ITPK1: variants seen among roughly 807,000 people sequenced by gnomAD.
ITPK1 encodes inositol-tetrakisphosphate 1-kinase, also known as inositol 1,3,4-trisphosphate 5/6-kinase.
A neutral mutation model predicts 45.3 loss-of-function variants in ITPK1; 21 were observed. The ratio of observed to expected loss-of-function variants is 0.46; its 90% CI spans 0.33 to 0.67. ITPK1 has a LOEUF of 0.67. Ranked by LOEUF, ITPK1 falls within the 30% of genes least tolerant of loss-of-function variation. ITPK1 has a pLI of 0.02. For missense variants in ITPK1, 474 were observed against 573.5 expected (o/e 0.83, Z 1.77); for synonymous variants, 258 against 253.6 (o/e 1.02, Z -0.16).
chr14:93,114,002 G>T (rs1460297392), intron 2 of ITPK1, among the ~76,000 whole-genome samples: 4 of 152,160 alleles, frequency 2.6e-5, no homozygotes, highest in Admixed American at 2.6e-4. Context: ...GAGCACCAGG[G>T]GTTACGGAAA....
chr14:93,075,819 CGTAAGACAAGGA>C (rs1259373336), intron 3 of ITPK1, among the ~76,000 whole-genome samples: 1 of 152,056 alleles, frequency 6.6e-6, no homozygotes, highest in Non-Finnish European at 1.5e-5. Flanking sequence ...AGATGAGGCC[CGTAAGACAAGGA>C]GATGGGATGC....
intron 2 of ITPK1, among the ~76,000 whole-genome samples, chr14:93,085,370 G>A (rs1044874131): frequency 7.2e-5 from 11 of 152,172 alleles, no homozygotes; most frequent in Non-Finnish European, 1.5e-4. Flanking sequence ...CCGACCGGGT[G>A]CCCCACCCAG....
chr14:93,090,738 A>C (rs1313829876), intron 2 of ITPK1, among the ~76,000 whole-genome samples: 2 of 152,192 alleles, frequency 1.3e-5, no homozygotes, highest in Admixed American at 1.3e-4. Flanking sequence ...TTCCTGTGCC[A>C]GTTTGGTTAC....
At position 93,030,098 on chromosome 14, in the gene ITPK1, T is replaced by C. The variant is rs534740670; in HGVS notation, c.121-13297A>G. Among the ~76,000 whole-genome samples, 19 of 152,336 alleles carry C rather than the reference T, an allele frequency of 1.2e-4. No individual in the cohort carries two copies. In the East Asian group the frequency reaches 3.7e-3, roughly 29 times the overall value. On this transcript the variant is annotated intron_variant, in intron 3 of 10. Coordinates refer to ENST00000267615, the MANE Select transcript of ITPK1 (RefSeq NM_014216.6). The stretch of plus-strand genomic sequence containing the variant: ...TGGCAAGCACGAAGTTAGCGCGCAA[T>C]GCAGGCTGCACTCCCTTCCAACTGC...
chr14:92,985,911 A>T (rs1168916365), intron 5 of ITPK1, among the ~76,000 whole-genome samples: 1 of 151,940 alleles, frequency 6.6e-6, no homozygotes, highest in Non-Finnish European at 1.5e-5. Context: ...CATTTTACAG[A>T]TAGGAAAGCT....
chr14:93,115,079 C>G lies in ITPK1; in HGVS notation c.85G>C (p.Glu29Gln), dbSNP rs751704717. The change falls in exon 2 of 11, where the codon GAG becomes CAG. Residue 29 changes from glutamate to glutamine, a missense_variant. Around this residue, in one of 2 missense-constraint regions of ITPK1, gnomAD observed 367 missense variants for 480.6 expected, o/e 0.76. Transcript: ENST00000267615. ...CGCGTCCCTCCTTACCTGCACAGCT[C>G]GGCGAAGGCCTGGAAATTCAGCTTC... ...IKKLNFQAFAELCRKRGMEVV... is the reference protein window; with the variant it reads ...IKKLNFQAFAQLCRKRGMEVV... The G allele has an allele frequency of 1.3e-6, 2 of 1,598,716 alleles. No individual in the cohort carries two copies. Among genetic ancestry groups the G allele is most frequent in the Non-Finnish European group, 1.7e-6 (2 of 1,174,120 alleles).
intron 3 of ITPK1, among the ~76,000 whole-genome samples, chr14:93,064,940 G>A (rs548262344): frequency 3.3e-5 from 5 of 152,294 alleles, no homozygotes; most frequent in East Asian, 3.9e-4. Context: ...ATGAGTGTGC[G>A]GGGAATCCCT....
intron 2 of ITPK1, among the ~76,000 whole-genome samples, chr14:93,097,597 T>C (rs1314805017): frequency 6.6e-6 from 1 of 152,258 alleles, no homozygotes; most frequent in Non-Finnish European, 1.5e-5. Flanking sequence ...TAGGATGGGT[T>C]GTTATGCATC....
intron 5 of ITPK1, among the ~76,000 whole-genome samples, chr14:92,978,158 G>A (rs1393578007): frequency 6.6e-6 from 1 of 151,940 alleles, no homozygotes; most frequent in East Asian, 1.9e-4. Flanking sequence ...CAAAGAGACT[G>A]GCATATTGTG....
intron 2 of ITPK1, among the ~76,000 whole-genome samples, chr14:93,104,729 T>C (rs1340849808): frequency 2.0e-5 from 3 of 152,148 alleles, no homozygotes; most frequent in Non-Finnish European, 4.4e-5. Context: ...CATGGTAGGT[T>C]CTCAGGATCC....
At chr14:93,084,288 G>A (rs1006142015) in intron 2 of ITPK1, among the ~76,000 whole-genome samples, 6 of 152,228 alleles carry the variant, frequency 3.9e-5, no homozygotes, top group Non-Finnish European at 8.8e-5. Flanking sequence ...TCCCAACTAT[G>A]GGCAACTGTG....
At chr14:93,043,097 C>A (rs545146434) in intron 3 of ITPK1, among the ~76,000 whole-genome samples, 1 of 152,118 alleles carries the variant, frequency 6.6e-6, no homozygotes, top group East Asian at 1.9e-4. Flanking sequence ...AGCTCCCCAC[C>A]GAGGCCCACA....
chr14:93,030,724 A>G (rs1425575354), intron 3 of ITPK1, among the ~76,000 whole-genome samples: 1 of 152,188 alleles, frequency 6.6e-6, no homozygotes, highest in Non-Finnish European at 1.5e-5. Context: ...TGTGTCCCCA[A>G]AAAACGGTAT....
intron 5 of ITPK1, among the ~76,000 whole-genome samples, chr14:92,967,372 TA>T (rs1885429988): frequency 6.6e-6 from 1 of 152,216 alleles, no homozygotes; most frequent in South Asian, 2.1e-4. Context: ...GACACCACTT[TA>T]CACCTACCAG....
intron 6 of ITPK1, 81 bp downstream of exon 6, chr14:92,962,670 G>T (rs1048045080): frequency 1.9e-6 from 2 of 1,054,428 alleles, no homozygotes; most frequent in Admixed American, 1.7e-5. Flanking sequence ...AATCCAGAGG[G>T]CACTATAAAC....
At position 93,012,322 on chromosome 14, in the gene ITPK1, G is replaced by A. The variant is rs973270611; in HGVS notation, c.246+4354C>T. ...GTTGGCAGGGCCTGGGACGAGAGAT[G>A]TGTCATTAATCAGCTCACGAGGGAG... On this transcript the variant is annotated intron_variant, in intron 4 of 10. Coordinates refer to ENST00000267615, the MANE Select transcript of ITPK1 (RefSeq NM_014216.6). The surrounding 1 kb of genome is among the most constrained non-coding windows in gnomAD (Gnocchi z 4.9). Among the ~76,000 whole-genome samples the A allele has an allele frequency of 1.3e-5, 2 of 152,218 alleles. No individual in the cohort carries two copies. Among genetic ancestry groups the A allele is most frequent in the African/African-American group, 4.8e-5 (2 of 41,452 alleles).
In ITPK1 at chr14:93,032,350, A is replaced by AAAT. The variant is rs10675965; in HGVS notation, c.121-15552_121-15550dup. Among the ~76,000 whole-genome samples, 38,518 of 150,072 alleles carry AAAT rather than the reference A, an allele frequency of 0.26. 7,678 individuals carry two copies. The highest frequency in any genetic ancestry group is 0.56 in the African/African-American group (22,763 of 40,618). On this transcript the variant is annotated intron_variant, in intron 3 of 10. Coordinates refer to ENST00000267615, the MANE Select transcript of ITPK1 (RefSeq NM_014216.6). The surrounding 1 kb of genome is among the most constrained non-coding windows in gnomAD (Gnocchi z 4.0). ...GGGCGACAGAGCGAGACTCCATCTC[A>AAAT]AATAATAATAATAATAATAATAAAG...
intron 5 of ITPK1, among the ~76,000 whole-genome samples, chr14:92,989,471 C>T (rs916697767): frequency 2.0e-5 from 3 of 152,186 alleles, no homozygotes; most frequent in East Asian, 1.9e-4. Flanking sequence ...CATGCAATTA[C>T]GGCCCAGGTG....
At chr14:93,109,334 C>G (rs550910812) in intron 2 of ITPK1, among the ~76,000 whole-genome samples, 1 of 152,342 alleles carries the variant, frequency 6.6e-6, no homozygotes, top group African/African-American at 2.4e-5. Context: ...GCACGCGCCC[C>G]TGAGTGTGCA....
Sources: gnomAD v4.1 joint callset for allele counts (sites outside exome capture counted in the v4.1 genomes callset) on GRCh38, gnomAD v4.1.1 for gene constraint, gnomAD v4.1.1 regional missense constraint, Gnocchi (gnomAD v3.1) non-coding constraint, MANE v1.5 for transcripts, NCBI Gene and HGNC (gene_info 2026-07-23, HGNC 2026-07-21) for gene names.